ZNF514: variants seen among roughly 807,000 people sequenced by gnomAD.
ZNF514 encodes zinc finger protein 514.
A neutral mutation model predicts 9.7 loss-of-function variants in ZNF514; 12 were observed. That is an observed-to-expected ratio of 1.24 (90% confidence interval 0.79 to 2.01). ZNF514 has a LOEUF of 2.01. Among genes scored for constraint, ZNF514 ranks in the 30% most tolerant of loss-of-function variants. The probability of loss-of-function intolerance (pLI) is 0.00; values close to 1 mark genes in which losing one functional copy is unlikely to be tolerated. For missense variants in ZNF514, 467 were observed against 465.5 expected, an observed-to-expected ratio of 1.00 and a Z score of -0.03; for synonymous variants, 158 against 163.7, an observed-to-expected ratio of 0.97 and a Z score of 0.27.
At chr2:95,125,230 T>C in the ZNF514 span, among the ~76,000 whole-genome samples, 1 of 140,412 alleles carries the variant, frequency 7.1e-6, no homozygotes, top group Admixed American at 7.1e-5. Flanking sequence ...TTGCCATCCT[T>C]TTTTTTTTTT....
At chr2:95,129,310 A>G in the ZNF514 span, among the ~76,000 whole-genome samples, 1 of 152,190 alleles carries the variant, frequency 6.6e-6, no homozygotes, top group Non-Finnish European at 1.5e-5. Flanking sequence ...AAAACTCAAT[A>G]AGAACAAAAG....
At chr2:95,159,164 G>A (rs1673769571) in intron 1 of ZNF514, 76 bp downstream of exon 1, 6 of 447,722 alleles carry the variant, frequency 1.3e-5, no homozygotes, top group Non-Finnish European at 2.0e-5. Context: ...AGCAGGGCCG[G>A]CAAACCCCGG....
At position 95,150,054 on chromosome 2, in the gene ZNF514, G is replaced by A. The variant is rs1673491224; in HGVS notation, c.431C>T (p.Ala144Val). The change falls in exon 5 of 5, where the codon GCC becomes GTC. Residue 144 changes from alanine to valine, a missense_variant. By Grantham distance (64) the Ala-to-Val change is moderately conservative. Coordinates refer to ENST00000295208, the MANE Select transcript of ZNF514 (RefSeq NM_032788.3). Reference protein sequence around the residue: ...LKQMSTIHKSATTLSRDYKWN... With the variant: ...LKQMSTIHKSVTTLSRDYKWN... ...TTTATAATCTCTGCTAAGGGTGGTG[G>A]CAGATTTGTGAATGGTTGACATTTG... The A allele has an allele frequency of 6.2e-7, 1 of 1,614,066 alleles. No homozygotes were observed. The highest frequency in any genetic ancestry group is 8.5e-7 in the Non-Finnish European group (1 of 1,180,018).
rs1673813891 is a variant in ZNF514, at chr2:95,159,789, G to C, written c.-645C>G. Among the ~76,000 whole-genome samples, 1 of 150,820 alleles carries C rather than the reference G, an allele frequency of 6.6e-6. No individual in the cohort carries two copies. The highest frequency in any genetic ancestry group is 1.5e-5 in the Non-Finnish European group (1 of 67,612). ...GGCCGTCCCGAGCTTGCGCAGACGC[G>C]GCCGCCGCCGGGGCCCTTCAGAGCC... is the stretch of plus-strand genomic sequence containing the variant. On this transcript the variant is annotated 5_prime_UTR_variant, in exon 1 of 5. Coordinates refer to ENST00000295208, the MANE Select transcript of ZNF514 (RefSeq NM_032788.3).
At chr2:95,157,074 C>T in intron 2 of ZNF514, among the ~76,000 whole-genome samples, 1 of 152,186 alleles carries the variant, frequency 6.6e-6, no homozygotes, top group East Asian at 1.9e-4. Flanking sequence ...CTGTGACACT[C>T]TTTCAAGGCC....
the ZNF514 span, among the ~76,000 whole-genome samples, chr2:95,127,103 G>C: frequency 6.6e-6 from 1 of 152,314 alleles, no homozygotes; most frequent in East Asian, 1.9e-4. Context: ...CTCTGTCCTT[G>C]ATGCATAGTC....
At chr2:95,133,258 C>T in the ZNF514 span, among the ~76,000 whole-genome samples, 1 of 152,114 alleles carries the variant, frequency 6.6e-6, no homozygotes, top group African/African-American at 2.4e-5. Context: ...CGCTTAAGCC[C>T]AGGAGGTTGA....
In ZNF514 at chr2:95,146,280, G is replaced by A. The variant is rs532097375; in HGVS notation, c.*3002C>T. On this transcript the variant is annotated 3_prime_UTR_variant, in exon 5 of 5. Transcript: ENST00000295208. ...TTTAAATAGATCAAGACAGTGATACGATTTACCACAAGTCTAGATATTGTC... is the reference window on the plus strand; with the variant it reads ...TTTAAATAGATCAAGACAGTGATACAATTTACCACAAGTCTAGATATTGTC... Among the ~76,000 whole-genome samples, 46 of 152,242 alleles carry A rather than the reference G, an allele frequency of 3.0e-4. No individual in the cohort carries two copies. Among genetic ancestry groups the A allele is most frequent in the Middle Eastern group, 3.4e-3 (1 of 294 alleles).
intron 2 of ZNF514, 120 bp from the exon 3 acceptor site, chr2:95,153,379 T>C (rs1673597840): frequency 2.1e-6 from 2 of 944,948 alleles, no homozygotes; most frequent in African/African-American, 3.2e-5. Flanking sequence ...CAGGTGGAGG[T>C]AAATGTAATA....
downstream of ZNF514, among the ~76,000 whole-genome samples, chr2:95,141,075 T>C (rs1004692688): frequency 1.3e-5 from 2 of 151,910 alleles, no homozygotes; most frequent in African/African-American, 4.8e-5. Flanking sequence ...ATAATATACA[T>C]TGGGTACAGT....
At chr2:95,159,138 G>A in intron 1 of ZNF514, 102 bp downstream of exon 1, 1 of 753,232 alleles carries the variant, frequency 1.3e-6, no homozygotes, top group Non-Finnish European at 1.8e-6. Flanking sequence ...GGGGCCAGCG[G>A]ACCTGCAGGG....
rs1330964126 is a variant in ZNF514 at position 95,159,617 on chromosome 2, C to T, written c.-473G>A. ...CCCGCCACCCCGCGCCAGCCCCCGC[C>T]CGCCACCCCGCGCCAGCCCCCGCCC... On this transcript the variant is annotated 5_prime_UTR_variant, in exon 1 of 5. Transcript: ENST00000295208. 7.6e-6 allele frequency: 1 copy of T among 131,914 alleles called. No individual in the cohort carries two copies. The highest frequency in any genetic ancestry group is 1.7e-5 in the Non-Finnish European group (1 of 59,642). The allele number at this position is 131,914 out of a possible 1,614,324, so 8.2% of individuals were successfully genotyped here. A position where few individuals can be genotyped will look rare whatever the true frequency, so the allele number is the denominator to read the frequency against.
In ZNF514 at chr2:95,159,296, C is replaced by T. The variant is rs1673774857; in HGVS notation, c.-152G>A. ...CTGGAACCCAGCTCCCACGTGGATC[C>T]ACACGCACAGTGGGCTCAGACTACC... On this transcript the variant is annotated 5_prime_UTR_variant, in exon 1 of 5. Transcript: ENST00000295208. 6.3e-4 allele frequency: 99 copies of T among 158,308 alleles called. No homozygotes were observed. Among genetic ancestry groups the T allele is most frequent in the South Asian group, 2.4e-3 (15 of 6,294 alleles). 9.8% of individuals were successfully genotyped at this position (158,308 alleles called of 1,614,324 possible).
At chr2:95,152,039 C>T (rs989658471) in intron 4 of ZNF514, among the ~76,000 whole-genome samples, 3 of 152,162 alleles carry the variant, frequency 2.0e-5, no homozygotes, top group Non-Finnish European at 2.9e-5. Context: ...TAGACTGTCA[C>T]GTGCCTCCAG....
chr2:95,158,855 C>T, intron 1 of ZNF514: 1 of 1,289,242 alleles, frequency 7.8e-7, no homozygotes, highest in Non-Finnish European at 1.0e-6. Context: ...GAAGTACAGC[C>T]TCACCCTTCA....
At chr2:95,153,759 G>A (rs191710103) in intron 2 of ZNF514, 1 of 152,592 alleles carries the variant, frequency 6.6e-6, no homozygotes, top group African/African-American at 2.4e-5. Flanking sequence ...TGGATCCCAG[G>A]TCACCATTAT....
downstream of ZNF514, among the ~76,000 whole-genome samples, chr2:95,143,180 T>A (rs1264089108): frequency 6.6e-6 from 1 of 152,216 alleles, no homozygotes; most frequent in Non-Finnish European, 1.5e-5. Context: ...AAGATCTGGA[T>A]CTCTTGCCTT....
At chr2:95,151,186 A>G (rs1277867946) in intron 4 of ZNF514, among the ~76,000 whole-genome samples, 1 of 152,250 alleles carries the variant, frequency 6.6e-6, no homozygotes, top group Non-Finnish European at 1.5e-5. Context: ...GATTAAGAGC[A>G]CAGACCTGGA....
At chr2:95,158,283 G>A (rs1347986131) in intron 1 of ZNF514, among the ~76,000 whole-genome samples, 1 of 152,122 alleles carries the variant, frequency 6.6e-6, no homozygotes, top group African/African-American at 2.4e-5. Context: ...AGGGTATAAA[G>A]GAAAAAAGAG....
Sources: gnomAD v4.1 joint callset for allele counts (sites outside exome capture counted in the v4.1 genomes callset) on GRCh38, gnomAD v4.1.1 for gene constraint, MANE v1.5 for transcripts, NCBI Gene and HGNC (gene_info 2026-07-23, HGNC 2026-07-21) for gene names.